Variants in APMAP observed in about 807,000 individuals in gnomAD.
The protein encoded by APMAP is adipocyte plasma membrane associated protein.
APMAP carries 33 observed loss-of-function variants against 43.6 expected under a neutral mutation model. The ratio of observed to expected loss-of-function variants is 0.76; its 90% CI spans 0.57 to 1.01. The LOEUF is 1.01. Ranked by LOEUF, APMAP falls within the 50% of genes least tolerant of loss-of-function variation. The probability of loss-of-function intolerance (pLI) is 0.00; values close to 1 mark genes in which losing one functional copy is unlikely to be tolerated. For missense variants in APMAP, 498 were observed against 540.7 expected (o/e 0.92, Z 0.78); for synonymous variants, 224 against 216.7 (o/e 1.03, Z -0.30).
At chr20:24,990,803 A>G (rs2088185415) in intron 1 of APMAP, among the ~76,000 whole-genome samples, 1 of 152,244 alleles carries the variant, frequency 6.6e-6, no homozygotes, top group African/African-American at 2.4e-5. Context: ...CCATGTTACA[A>G]TAATAATTGC....
At chr20:24,981,927 G>A (rs899428849) in intron 2 of APMAP, among the ~76,000 whole-genome samples, 5 of 152,210 alleles carry the variant, frequency 3.3e-5, no homozygotes, top group Admixed American at 6.5e-5. Flanking sequence ...GTCAGCACCC[G>A]CTGGGATGGC....
At position 24,973,685 on chromosome 20, in the gene APMAP, A is replaced by T. The variant is rs1427698197; in HGVS notation, c.381T>A (p.Gly127=). ...CAAACCGGGCAATGGTCTCTATTTC[A>T]CCATTTTCAAGTTTTACGACCCGGC... ...ADGRVVKLEN[G]EIETIARFGS... is the part of the protein sequence containing the mutation. The change falls in exon 4 of 9, where the codon GGT becomes GGA. Residue 127 remains glycine (G), a synonymous_variant. Coordinates refer to ENST00000217456, the MANE Select transcript of APMAP (RefSeq NM_020531.3). 1.2e-6 allele frequency: 2 copies of T among 1,614,150 alleles called. No homozygotes were observed. The highest frequency in any genetic ancestry group is 1.6e-4 in the Middle Eastern group (1 of 6,062).
chr20:24,967,122 C>G (rs1357617523), intron 8 of APMAP, among the ~76,000 whole-genome samples: 2 of 152,186 alleles, frequency 1.3e-5, no homozygotes, highest in African/African-American at 4.8e-5. Flanking sequence ...GGTGAAAACT[C>G]GTCTCTATTA....
intron 5 of APMAP, 48 bp from the exon 6 acceptor site, chr20:24,970,419 T>G (rs1218431539): frequency 6.5e-7 from 1 of 1,534,610 alleles, no homozygotes; most frequent in African/African-American, 1.4e-5. Flanking sequence ...TAGGAACTTC[T>G]CAATAATTGC....
intron 3 of APMAP, chr20:24,974,053 A>T (rs1265743321): frequency 4.6e-6 from 1 of 218,014 alleles, no homozygotes; most frequent in Non-Finnish European, 9.2e-6. Flanking sequence ...GACACTCAGC[A>T]CTTAGGGGCA....
intron 3 of APMAP, among the ~76,000 whole-genome samples, chr20:24,976,934 G>A (rs1266444391): frequency 1.3e-5 from 2 of 152,348 alleles, no homozygotes; most frequent in Admixed American, 1.3e-4. Context: ...AATCTGAAAA[G>A]GCTACATACT....
chr20:24,979,290 C>T (rs1217919463), intron 2 of APMAP, among the ~76,000 whole-genome samples: 2 of 152,192 alleles, frequency 1.3e-5, no homozygotes, highest in Non-Finnish European at 2.9e-5. Flanking sequence ...ACCTGATGAC[C>T]CGGCCTCGTA....
chr20:24,987,612 G>T (rs1451278836), intron 1 of APMAP, among the ~76,000 whole-genome samples: 1 of 152,056 alleles, frequency 6.6e-6, no homozygotes. Flanking sequence ...GTGGTTAATT[G>T]TATGTTATGC....
intron 2 of APMAP, among the ~76,000 whole-genome samples, chr20:24,980,154 T>C (rs2088089540): frequency 6.6e-6 from 1 of 152,214 alleles, no homozygotes; most frequent in Non-Finnish European, 1.5e-5. Flanking sequence ...TCCCAGCATC[T>C]GGCACCCAAC....
intron 5 of APMAP, among the ~76,000 whole-genome samples, chr20:24,970,687 T>C (rs942671191): frequency 2.0e-5 from 3 of 152,206 alleles, no homozygotes; most frequent in Non-Finnish European, 4.4e-5. Flanking sequence ...TTGAGAGAAA[T>C]ATGACATTCT....
At chr20:24,980,253 C>G (rs997546522) in intron 2 of APMAP, among the ~76,000 whole-genome samples, 4 of 152,254 alleles carry the variant, frequency 2.6e-5, no homozygotes, top group African/African-American at 9.6e-5. Flanking sequence ...CCCCTGCCTC[C>G]AGCAAGGCAG....
intron 1 of APMAP, among the ~76,000 whole-genome samples, chr20:24,985,373 T>C (rs1002155938): frequency 2.0e-5 from 3 of 152,330 alleles, no homozygotes; most frequent in Middle Eastern, 3.4e-3. Context: ...AAAGTGTCCC[T>C]TGCATTTTGG....
At chr20:24,968,779 C>T (rs1302532370) in intron 8 of APMAP, 113 bp downstream of exon 8, 1 of 1,037,734 alleles carries the variant, frequency 9.6e-7, no homozygotes, top group Admixed American at 3.1e-5. Context: ...TTCTAAGTGT[C>T]ATTCAGAGCC....
intron 3 of APMAP, among the ~76,000 whole-genome samples, chr20:24,977,294 C>T (rs983282800): frequency 5.3e-5 from 8 of 152,308 alleles, no homozygotes; most frequent in Middle Eastern, 3.4e-3. Flanking sequence ...AAGTATTTGA[C>T]GAAATGCAAC....
intron 8 of APMAP, 50 bp from the exon 9 acceptor site, chr20:24,964,072 T>C: frequency 6.3e-7 from 1 of 1,579,750 alleles, no homozygotes. Flanking sequence ...CCAAGAACAC[T>C]GTGCGCAGAT....
intron 1 of APMAP, among the ~76,000 whole-genome samples, chr20:24,987,913 T>C (rs1308093332): frequency 6.6e-6 from 1 of 152,084 alleles, no homozygotes; most frequent in African/African-American, 2.4e-5. Context: ...ACAATAGAAA[T>C]GAAGTACTTG....
At position 24,969,062 on chromosome 20, in the gene APMAP, T is replaced by A; in HGVS notation, c.871A>T (p.Lys291Ter). The change falls in exon 8 of 9, where the codon AAG (lysine) becomes TAG (stop). Residue 291 changes from lysine to a stop codon, truncating the protein, a stop_gained. Coordinates refer to ENST00000217456, the MANE Select transcript of APMAP (RefSeq NM_020531.3). LOFTEE classifies it high-confidence loss of function. ...TCCACAAACAGATCAGCCCCGCCCT[T>A]CATCAGGCCAGAAACGTAGACTCTG... ...IRRVYVSGLM[K>*]GGADLFVENM... The A allele has an allele frequency of 1.9e-6, 3 of 1,608,418 alleles. No individual in the cohort carries two copies. The highest frequency in any genetic ancestry group is 2.5e-6 in the Non-Finnish European group (3 of 1,177,672).
chr20:24,988,332 G>A (rs1182122119), intron 1 of APMAP, among the ~76,000 whole-genome samples: 1 of 152,198 alleles, frequency 6.6e-6, no homozygotes, highest in Non-Finnish European at 1.5e-5. Flanking sequence ...AAATCTTGAT[G>A]TGGTAATCTG....
chr20:24,967,492 T>G (rs1357277924), intron 8 of APMAP, among the ~76,000 whole-genome samples: 1 of 152,214 alleles, frequency 6.6e-6, no homozygotes, highest in African/African-American at 2.4e-5. Flanking sequence ...CGCACCTACA[T>G]GTGCCAGGCA....
Sources: gnomAD v4.1 joint callset for allele counts (sites outside exome capture counted in the v4.1 genomes callset) on GRCh38, gnomAD v4.1.1 for gene constraint, MANE v1.5 for transcripts, NCBI Gene and HGNC (gene_info 2026-07-23, HGNC 2026-07-21) for gene names.